USP24: variants seen among roughly 807,000 people sequenced by gnomAD.
The protein encoded by USP24 is ubiquitin carboxyl-terminal hydrolase 24.
In USP24, 97 loss-of-function variants were observed where a neutral mutation model predicts 361.6. That is an observed-to-expected ratio of 0.27 (90% CI 0.23 to 0.32). The LOEUF (loss-of-function observed/expected upper bound fraction) is 0.32, where lower values mean the gene tolerates loss of function less well. Among genes scored for constraint, USP24 ranks in the 10% least tolerant of loss-of-function variants. The pLI, the probability that USP24 is intolerant of heterozygous loss-of-function variation, is 1.00. For synonymous variants in USP24, 1,098 were observed against 1,124.6 expected (o/e 0.98, Z 0.47); for missense variants, 2,353 against 3,165.6 (o/e 0.74, Z 6.16).
At position 55,125,854 on chromosome 1, in the gene USP24, C is replaced by T. The variant is rs1646413645; in HGVS notation, c.3636-96G>A. The T allele has an allele frequency of 5.0e-6, 5 of 1,004,558 alleles. No homozygotes were observed. In the South Asian group the frequency reaches 8.3e-5, roughly 17 times the overall value. The allele number at this position is 1,004,558 out of a possible 1,614,324, so 62.2% of individuals were successfully genotyped here. The stretch of plus-strand genomic sequence containing the variant: ...TAATGTAATCAGTCATCATCAATTA[C>T]TTAGTTTCTACATGATTCTGTCATA... On this transcript the variant is annotated intron_variant, in intron 32 of 67. Coordinates refer to ENST00000294383, the MANE Select transcript of USP24 (RefSeq NM_015306.3).
chr1:55,188,796 T>C lies in USP24; in HGVS notation c.325-10664A>G, dbSNP rs907367159. Reference sequence around the variant, plus strand: ...CAACATAGTGAAACCCCGTCTCTACTAAAAATATAAAAAATTAGCTGGGTG... The same window carrying C: ...CAACATAGTGAAACCCCGTCTCTACCAAAAATATAAAAAATTAGCTGGGTG... On this transcript the variant is annotated intron_variant, in intron 1 of 67. Transcript: ENST00000294383. Among the ~76,000 whole-genome samples the C allele has an allele frequency of 7.3e-5, 11 of 151,300 alleles. No individual in the cohort carries two copies. The East Asian group carries it at 2.1e-3, about 29-fold the overall frequency.
chr1:55,209,453 G>T (rs1644797925), intron 1 of USP24, among the ~76,000 whole-genome samples: 1 of 152,106 alleles, frequency 6.6e-6, no homozygotes. Flanking sequence ...GTGTGATTTG[G>T]TTGAGTCGGC....
chr1:55,204,132 T>C (rs1194213852), intron 1 of USP24, among the ~76,000 whole-genome samples: 1 of 152,188 alleles, frequency 6.6e-6, no homozygotes, highest in Non-Finnish European at 1.5e-5. Context: ...GCAATCCTCA[T>C]GTTATTGATG....
At chr1:55,073,564 A>G (rs1050944781) in intron 64 of USP24, among the ~76,000 whole-genome samples, 5 of 152,186 alleles carry the variant, frequency 3.3e-5, no homozygotes, top group African/African-American at 7.2e-5. Flanking sequence ...TAAAGCCTCC[A>G]TATCTGCCCT....
intron 1 of USP24, among the ~76,000 whole-genome samples, chr1:55,208,484 C>T (rs1391804516): frequency 4.8e-5 from 7 of 145,870 alleles, no homozygotes; most frequent in African/African-American, 1.3e-4. Context: ...GAAAATTAGC[C>T]GGATGTGGTT....
intron 24 of USP24, among the ~76,000 whole-genome samples, chr1:55,139,702 C>T (rs906308018): frequency 2.0e-5 from 3 of 152,078 alleles, no homozygotes; most frequent in Non-Finnish European, 2.9e-5. Context: ...AGGTATATTT[C>T]TAAAACTGAA....
chr1:55,103,836 T>C, intron 42 of USP24, 40 bp downstream of exon 42: 1 of 1,583,708 alleles, frequency 6.3e-7, no homozygotes, highest in Non-Finnish European at 8.6e-7. Flanking sequence ...TCAGAGATCA[T>C]TCTAAAAAAA....
intron 5 of USP24, among the ~76,000 whole-genome samples, chr1:55,169,400 A>G (rs1194830313): frequency 1.3e-5 from 2 of 152,136 alleles, no homozygotes; most frequent in African/African-American, 4.8e-5. Context: ...GGGAAGAGGG[A>G]ATATTTTAAA....
chr1:55,093,849 A>C, intron 52 of USP24, 88 bp downstream of exon 52: 1 of 1,538,542 alleles, frequency 6.5e-7, no homozygotes, highest in Non-Finnish European at 8.8e-7. Flanking sequence ...TGGTACAACT[A>C]ATCCAGCAGA....
rs1216612690 is a variant in USP24, at chr1:55,068,065, T to C, written c.*980A>G. ...CACAAGCAGTGTGTACCAACTCAAA[T>C]AGTTAACTTCATATACAACCAATAC... On this transcript the variant is annotated 3_prime_UTR_variant, in exon 68 of 68. Coordinates refer to ENST00000294383, the MANE Select transcript of USP24 (RefSeq NM_015306.3). 6.6e-6 allele frequency: 1 copy of C among 152,256 alleles called. No homozygotes were observed. The highest frequency in any genetic ancestry group is 1.5e-5 in the Non-Finnish European group (1 of 68,040). The allele number at this position is 152,256 out of a possible 1,614,324, so 9.4% of individuals were successfully genotyped here. A position where few individuals can be genotyped will look rare whatever the true frequency, so the allele number is the denominator to read the frequency against.
At chr1:55,107,453 A>T in intron 39 of USP24, 23 bp from the exon 40 acceptor site, 3 of 1,537,782 alleles carry the variant, frequency 2.0e-6, no homozygotes, top group Non-Finnish European at 2.6e-6. Context: ...AAAAAAATCC[A>T]TTACAAAGAA....
intron 58 of USP24, 137 bp downstream of exon 58, chr1:55,083,135 T>C (rs1425450328): frequency 1.4e-6 from 1 of 731,914 alleles, no homozygotes; most frequent in East Asian, 2.8e-5. Context: ...ATAATTTAAC[T>C]CCAAAGAATT....
chr1:55,162,599 T>C (rs1333964607), intron 7 of USP24, among the ~76,000 whole-genome samples: 1 of 152,104 alleles, frequency 6.6e-6, no homozygotes, highest in Non-Finnish European at 1.5e-5. Context: ...AAATATTCCT[T>C]AAACAAAAAA....
At chr1:55,211,209 G>A (rs1644838874) in intron 1 of USP24, among the ~76,000 whole-genome samples, 1 of 152,158 alleles carries the variant, frequency 6.6e-6, no homozygotes, top group Non-Finnish European at 1.5e-5. Context: ...CAGGGGGGTG[G>A]TTAAAAATCA....
chr1:55,073,975 G>C, intron 63 of USP24, 69 bp from the exon 64 acceptor site: 1 of 1,285,280 alleles, frequency 7.8e-7, no homozygotes, highest in South Asian at 1.3e-5. Context: ...GTGACAACAA[G>C]CTCTCTTGTT....
intron 3 of USP24, among the ~76,000 whole-genome samples, chr1:55,173,464 G>A (rs1649652057): frequency 6.6e-6 from 1 of 152,148 alleles, no homozygotes; most frequent in African/African-American, 2.4e-5. Flanking sequence ...GGGAAGTGTA[G>A]AACAAGTGCC....
intron 1 of USP24, among the ~76,000 whole-genome samples, chr1:55,213,347 G>C (rs76298605): frequency 0.022 from 3,354 of 152,296 alleles, 91 homozygotes; most frequent in African/African-American, 0.057. Context: ...GTGGGTTACA[G>C]AGGGCAATCT....
At chr1:55,079,757 A>T in intron 59 of USP24, 98 bp from the exon 60 acceptor site, 2 of 1,174,374 alleles carry the variant, frequency 1.7e-6, no homozygotes, top group Non-Finnish European at 2.3e-6. Context: ...CAAGACTCGC[A>T]CACACACTGA....
chr1:55,154,085 C>A, intron 15 of USP24, 34 bp downstream of exon 15: 1 of 1,612,050 alleles, frequency 6.2e-7, no homozygotes, highest in Non-Finnish European at 8.5e-7. Flanking sequence ...TACTGTTGCT[C>A]TAACAACAAA....
Sources: allele counts gnomAD v4.1 joint callset (sites outside exome capture counted in the v4.1 genomes callset), GRCh38; gene constraint gnomAD v4.1.1; transcripts MANE v1.5; gene names NCBI Gene and HGNC (gene_info 2026-07-23, HGNC 2026-07-21).